Variants in SOX6 observed in about 807,000 individuals in gnomAD.
The protein encoded by SOX6 is transcription factor SOX-6.
Under a neutral mutation model 97.8 loss-of-function variants are expected in SOX6, and 11 were observed. The observed-to-expected ratio is 0.11, with a 90% CI of 0.07 to 0.19. The LOEUF (loss-of-function observed/expected upper bound fraction) is 0.19, where lower values mean the gene tolerates loss of function less well. SOX6 is among the 10% of genes least tolerant of loss of function. The probability of loss-of-function intolerance (pLI) is 1.00; values close to 1 mark genes in which losing one functional copy is unlikely to be tolerated. For missense variants in SOX6, 810 were observed against 1,039.5 expected, an observed-to-expected ratio of 0.78 and a Z score of 3.04; for synonymous variants, 360 against 371.4, an observed-to-expected ratio of 0.97 and a Z score of 0.35.
intron 1 of SOX6, among the ~76,000 whole-genome samples, chr11:16,405,807 T>C (rs1247192606): frequency 1.3e-5 from 2 of 152,044 alleles, no homozygotes; most frequent in African/African-American, 4.8e-5. Context: ...TCTTTGTTCA[T>C]AGCACTGATT....
intron 3 of SOX6, among the ~76,000 whole-genome samples, chr11:16,648,415 C>A (rs1274187090): frequency 6.6e-6 from 1 of 152,100 alleles, no homozygotes; most frequent in Non-Finnish European, 1.5e-5. Flanking sequence ...CCCTACCCAC[C>A]CTGGTAGCCA....
intron 3 of SOX6, among the ~76,000 whole-genome samples, chr11:16,700,822 C>A (rs148747425): frequency 2.8e-4 from 42 of 152,244 alleles, no homozygotes; most frequent in African/African-American, 1.0e-3. Context: ...TCTGGGTGCA[C>A]CAGCATTTCT....
chr11:16,090,113 A>T (rs1391579499), intron 9 of SOX6, among the ~76,000 whole-genome samples: 2 of 152,138 alleles, frequency 1.3e-5, no homozygotes, highest in Non-Finnish European at 2.9e-5. Context: ...ACATCTTACA[A>T]GAAATCTATG....
At chr11:16,552,159 C>T (rs1589982434) in intron 4 of SOX6, among the ~76,000 whole-genome samples, 2 of 151,890 alleles carry the variant, frequency 1.3e-5, no homozygotes, top group South Asian at 4.1e-4. Flanking sequence ...TTAACATACA[C>T]GGCCCCCAAA....
At chr11:16,669,922 T>G (rs2134023727) in intron 3 of SOX6, among the ~76,000 whole-genome samples, 1 of 152,130 alleles carries the variant, frequency 6.6e-6, no homozygotes, top group Admixed American at 6.5e-5. Context: ...GCCACTACAG[T>G]TGCAGTCATA....
intron 4 of SOX6, among the ~76,000 whole-genome samples, chr11:16,560,467 A>G (rs1398893888): frequency 6.6e-6 from 1 of 150,470 alleles, no homozygotes; most frequent in Non-Finnish European, 1.5e-5. Context: ...ATATATGTTT[A>G]TACGTACATA....
chr11:16,223,810 T>TCTAGG (rs891633906), intron 4 of SOX6, among the ~76,000 whole-genome samples: 8 of 152,128 alleles, frequency 5.3e-5, no homozygotes, highest in Non-Finnish European at 1.2e-4. Flanking sequence ...TTACTTAAAA[T>TCTAGG]CTAGGCTTCA....
intron 3 of SOX6, among the ~76,000 whole-genome samples, chr11:16,650,452 T>C (rs1323804185): frequency 6.6e-6 from 1 of 152,100 alleles, no homozygotes; most frequent in Non-Finnish European, 1.5e-5. Context: ...GGAATAAAAC[T>C]GGAAATTAAC....
At chr11:16,033,422 AT>A (rs1308083656) in intron 12 of SOX6, among the ~76,000 whole-genome samples, 2 of 152,138 alleles carry the variant, frequency 1.3e-5, no homozygotes, top group Non-Finnish European at 2.9e-5. Context: ...TGAGATTTGG[AT>A]TTAGACATGA....
intron 9 of SOX6, among the ~76,000 whole-genome samples, chr11:16,075,356 A>G (rs996503307): frequency 1.3e-5 from 2 of 152,166 alleles, no homozygotes; most frequent in African/African-American, 4.8e-5. Flanking sequence ...GAGTGTGCGC[A>G]TGAATGTTTA....
At chr11:15,976,930 C>T (rs751813554) in intron 15 of SOX6, among the ~76,000 whole-genome samples, 2 of 152,026 alleles carry the variant, frequency 1.3e-5, no homozygotes, top group African/African-American at 2.4e-5. Context: ...CTAAGGCCCT[C>T]GGAAGAGTTG....
intron 2 of SOX6, among the ~76,000 whole-genome samples, chr11:16,326,489 T>C (rs1210195460): frequency 2.0e-5 from 3 of 152,194 alleles, no homozygotes; most frequent in East Asian, 3.9e-4. Flanking sequence ...ATGTTTTTTC[T>C]AATCCATAGG....
intron 3 of SOX6, among the ~76,000 whole-genome samples, chr11:16,272,362 T>C (rs948085420): frequency 6.6e-6 from 1 of 151,744 alleles, no homozygotes; most frequent in Non-Finnish European, 1.5e-5. Flanking sequence ...AAATAATTTC[T>C]GTTTCTAAAC....
intron 4 of SOX6, among the ~76,000 whole-genome samples, chr11:16,497,886 A>G (rs1275174892): frequency 1.3e-5 from 2 of 152,232 alleles, no homozygotes; most frequent in Non-Finnish European, 2.9e-5. Context: ...AAGTTGGAAA[A>G]CACTCTGCAG....
At chr11:16,139,749 G>C (rs1174052576) in intron 6 of SOX6, among the ~76,000 whole-genome samples, 1 of 151,566 alleles carries the variant, frequency 6.6e-6, no homozygotes, top group South Asian at 2.1e-4. Context: ...CTGCCTCACA[G>C]AGCTAAGAAA....
intron 4 of SOX6, among the ~76,000 whole-genome samples, chr11:16,606,446 C>G (rs1455486592): frequency 2.0e-5 from 3 of 152,176 alleles, no homozygotes; most frequent in Non-Finnish European, 4.4e-5. Flanking sequence ...AGCCGACACG[C>G]ATTTGCTTTC....
chr11:16,397,402 C>T (rs1302773653), intron 1 of SOX6: 1 of 151,886 alleles, frequency 6.6e-6, no homozygotes, highest in Admixed American at 6.6e-5. Context: ...TATCAACATT[C>T]TAATCATTTT....
chr11:16,123,462 T>C (rs926775993), intron 6 of SOX6, among the ~76,000 whole-genome samples: 42 of 151,944 alleles, frequency 2.8e-4, no homozygotes, highest in African/African-American at 9.2e-4. Flanking sequence ...GTACATGTGA[T>C]TGGGGGGCAG....
At position 16,539,999 on chromosome 11, in the gene SOX6, T is replaced by G. The variant is rs946366491; in HGVS notation, n.610-63611A>C. Among the ~76,000 whole-genome samples the G allele has an allele frequency of 2.2e-4, 34 of 152,080 alleles. 3 individuals are homozygous for G. The highest frequency in any genetic ancestry group is 5.6e-4 in the African/African-American group (23 of 41,400). ...CCAGCATCATCCTGATGCCAAAGCT[T>G]GGCAGGGACACAACAAAAAAAAGAG... is the stretch of plus-strand genomic sequence containing the variant. On this transcript the variant is annotated intron_variant and non_coding_transcript_variant, in intron 4 of 5. Coordinates refer to the SOX6 transcript ENST00000524520.
Sources: allele counts gnomAD v4.1 joint callset (sites outside exome capture counted in the v4.1 genomes callset), GRCh38; gene constraint gnomAD v4.1.1; transcripts MANE v1.5; gene names NCBI Gene and HGNC (gene_info 2026-07-23, HGNC 2026-07-21).